Variants in FARSB observed in about 807,000 individuals in gnomAD.
FARSB encodes phenylalanyl-tRNA synthetase subunit beta, also known as phenylalanine--tRNA ligase beta subunit.
Under a neutral mutation model 69.6 loss-of-function variants are expected in FARSB, and 40 were observed. The observed-to-expected ratio is 0.57, with a 90% confidence interval of 0.45 to 0.75. FARSB has a LOEUF of 0.75. FARSB is among the 30% of genes least tolerant of loss of function. The probability of loss-of-function intolerance (pLI) is 0.00; values close to 1 mark genes in which losing one functional copy is unlikely to be tolerated. For synonymous variants in FARSB, 235 were observed against 247.2 expected, an observed-to-expected ratio of 0.95 and a Z score of 0.46; for missense variants, 632 against 722.9, an observed-to-expected ratio of 0.87 and a Z score of 1.44.
At chr2:222,602,137 C>T (rs1178405915) in intron 15 of FARSB, among the ~76,000 whole-genome samples, 2 of 152,022 alleles carry the variant, frequency 1.3e-5, no homozygotes, top group Admixed American at 6.6e-5. Flanking sequence ...TCTCAAAAGG[C>T]TACAGACAGT....
chr2:222,592,410 C>T (rs1219651029), intron 16 of FARSB, among the ~76,000 whole-genome samples: 2 of 152,138 alleles, frequency 1.3e-5, no homozygotes, highest in African/African-American at 4.8e-5. Flanking sequence ...GACAGTGACT[C>T]TTAACCAATA....
chr2:222,638,373 A>T lies in FARSB; in HGVS notation c.455+1207T>A, dbSNP rs937045613. Among the ~76,000 whole-genome samples, 4 of 152,252 alleles carry T rather than the reference A, an allele frequency of 2.6e-5. No individual in the cohort carries two copies. In the East Asian group the frequency reaches 5.8e-4, roughly 22 times the overall value. On this transcript the variant is annotated intron_variant, in intron 5 of 16. Coordinates refer to ENST00000281828, the MANE Select transcript of FARSB (RefSeq NM_005687.5). Reference sequence around the variant, plus strand: ...GTAAGAAAATGTCTGTTTAGATTAAAATAACTTCTTAAAATAAACAGATAA... The same window carrying T: ...GTAAGAAAATGTCTGTTTAGATTAATATAACTTCTTAAAATAAACAGATAA...
chr2:222,575,622 G>A (rs1391461372), intron 16 of FARSB, among the ~76,000 whole-genome samples: 1 of 152,168 alleles, frequency 6.6e-6, no homozygotes, highest in Admixed American at 6.5e-5. Flanking sequence ...CACAGTAAAC[G>A]GCTTCCAACA....
At chr2:222,612,871 C>T (rs1690895011) in intron 15 of FARSB, among the ~76,000 whole-genome samples, 1 of 152,198 alleles carries the variant, frequency 6.6e-6, no homozygotes, top group Non-Finnish European at 1.5e-5. Flanking sequence ...CACCACATTC[C>T]AAGTGTTGGA....
At chr2:222,605,161 TTCTCTCTCTCTCTC>T (rs71053093) in intron 15 of FARSB, among the ~76,000 whole-genome samples, 1 of 132,674 alleles carries the variant, frequency 7.5e-6, no homozygotes, top group Admixed American at 7.5e-5. Context: ...AATACAAACT[TTCTCTCTCTCTCTC>T]TCTCTCTCTC....
In FARSB at chr2:222,567,143, T is replaced by G. The variant is rs1467516400; in HGVS notation, c.*4728A>C. On this transcript the variant is annotated 3_prime_UTR_variant, in exon 17 of 17. Coordinates refer to ENST00000281828, the MANE Select transcript of FARSB (RefSeq NM_005687.5). ...TCATGAGGGCCTCCCTCTCATGACC[T>G]CATCTAGCTCTAATCACCTGCCAAA... is the stretch of plus-strand genomic sequence containing the variant. The G allele has an allele frequency of 1.3e-5, 2 of 152,190 alleles. No homozygotes were observed. The highest frequency in any genetic ancestry group is 2.4e-5 in the African/African-American group (1 of 41,456). The allele number at this position is 152,190 out of a possible 1,614,324, so 9.4% of individuals were successfully genotyped here.
In FARSB at chr2:222,570,185, A is replaced by T. The variant is rs902311064; in HGVS notation, c.*1686T>A. Among the ~76,000 whole-genome samples the T allele has an allele frequency of 1.3e-5, 2 of 152,230 alleles. No individual in the cohort carries two copies. Among genetic ancestry groups the T allele is most frequent in the Non-Finnish European group, 2.9e-5 (2 of 68,038 alleles). ...TCATTCATATGTCATCTTTTGGGAAATGTTTGCTCAACTCTTGCACATTTT... is the reference window on the plus strand; with the variant it reads ...TCATTCATATGTCATCTTTTGGGAATTGTTTGCTCAACTCTTGCACATTTT... On this transcript the variant is annotated 3_prime_UTR_variant, in exon 17 of 17. Transcript: ENST00000281828.
At position 222,608,203 on chromosome 2, in the gene FARSB, T is replaced by A. The variant is rs577935900; in HGVS notation, c.1462+5608A>T. On this transcript the variant is annotated intron_variant, in intron 15 of 16. Coordinates refer to ENST00000281828, the MANE Select transcript of FARSB (RefSeq NM_005687.5). The stretch of plus-strand genomic sequence containing the variant: ...AATTCTACATGCCAAAAATATGAAA[T>A]GGTGAAATTAAATTAATCCAGACTG... Among the ~76,000 whole-genome samples the A allele has an allele frequency of 2.0e-3, 297 of 152,292 alleles. 1 individual carries two copies. The highest frequency in any genetic ancestry group is 3.5e-3 in the Non-Finnish European group (235 of 68,016).
intron 16 of FARSB, among the ~76,000 whole-genome samples, chr2:222,590,653 A>G (rs531642075): frequency 7.9e-5 from 12 of 151,590 alleles, no homozygotes; most frequent in Middle Eastern, 3.4e-3. Context: ...ATGATATTGC[A>G]GTTATGCTTT....
intron 15 of FARSB, among the ~76,000 whole-genome samples, chr2:222,607,698 C>T (rs1021729995): frequency 6.6e-5 from 10 of 150,844 alleles, no homozygotes; most frequent in Non-Finnish European, 1.2e-4. Flanking sequence ...ATTAAAAATA[C>T]ATATTCATGA....
intron 2 of FARSB, among the ~76,000 whole-genome samples, chr2:222,647,884 G>A (rs183509712): frequency 2.4e-4 from 37 of 152,266 alleles, no homozygotes; most frequent in East Asian, 7.7e-4. Context: ...GTAAAACCTC[G>A]TCTCTCCTTG....
At chr2:222,607,319 G>C (rs1690725256) in intron 15 of FARSB, among the ~76,000 whole-genome samples, 1 of 152,060 alleles carries the variant, frequency 6.6e-6, no homozygotes, top group Non-Finnish European at 1.5e-5. Context: ...TTTGTATAAA[G>C]GTACAAGGAC....
At chr2:222,609,759 A>C (rs1310867282) in intron 15 of FARSB, among the ~76,000 whole-genome samples, 1 of 152,206 alleles carries the variant, frequency 6.6e-6, no homozygotes, top group Non-Finnish European at 1.5e-5. Context: ...CAGTCAAAAA[A>C]GTCTACATTA....
intron 15 of FARSB, among the ~76,000 whole-genome samples, chr2:222,605,193 C>CTCTCTCTCTCTCTCTG (rs762324554): frequency 4.0e-5 from 6 of 151,732 alleles, no homozygotes; most frequent in African/African-American, 7.3e-5. Flanking sequence ...CTCTCTCTCT[C>CTCTCTCTCTCTCTCTG]TGTGTCTCCC....
At position 222,579,941 on chromosome 2, in the gene FARSB, A is replaced by G. The variant is rs17565103; in HGVS notation, c.1619-7919T>C. On this transcript the variant is annotated intron_variant, in intron 16 of 16. Coordinates refer to ENST00000281828, the MANE Select transcript of FARSB (RefSeq NM_005687.5). ...TGATGGGACAGATATCGTCATTGCC[A>G]TTTTACAGATGAAGAAACTGGCGTG... 1.0e-2 allele frequency among the ~76,000 whole-genome samples: 1,517 copies of G among 152,330 alleles called. 9 individuals are homozygous for G. The highest frequency in any genetic ancestry group is 0.015 in the Non-Finnish European group (1,013 of 68,036).
chr2:222,592,714 A>G (rs1012473446), intron 16 of FARSB, among the ~76,000 whole-genome samples: 1 of 150,954 alleles, frequency 6.6e-6, no homozygotes, highest in Admixed American at 6.7e-5. Flanking sequence ...ACCATGAGGT[A>G]AATGAAAATA....
chr2:222,624,737 T>A lies in FARSB; in HGVS notation c.939A>T (p.Leu313=). The A allele has an allele frequency of 6.2e-7, 1 of 1,606,280 alleles. No homozygotes were observed. The highest frequency in any genetic ancestry group is 8.5e-7 in the Non-Finnish European group (1 of 1,175,522). The stretch of plus-strand genomic sequence containing the variant: ...ACCTGATTCCAACTTTTTTGTTAAT[T>A]AGGTCAGCTCTCACCATCTCCTTTC... ...AYRKEMVRAD[L]INKKVGIRET... is the part of the protein sequence containing the mutation. The change falls in exon 11 of 17, where the codon CTA becomes CTT. Residue 313 remains leucine (L), a synonymous_variant. Coordinates refer to ENST00000281828, the MANE Select transcript of FARSB (RefSeq NM_005687.5).
rs545995156 is a variant in FARSB, at chr2:222,571,746, A to C, written c.*125T>G. ...GGATGGTCTCTACCCACACAGCCAG[A>C]CAGTGCTTTCTACTTTATTAAACAT... is the stretch of plus-strand genomic sequence containing the variant. On this transcript the variant is annotated 3_prime_UTR_variant, in exon 17 of 17. Transcript: ENST00000281828. 3.8e-6 allele frequency: 3 copies of C among 794,508 alleles called. No homozygotes were observed. Among genetic ancestry groups the C allele is most frequent in the Non-Finnish European group, 6.0e-6 (3 of 504,102 alleles). 49.2% of individuals were successfully genotyped at this position (794,508 alleles called of 1,614,324 possible).
intron 14 of FARSB, among the ~76,000 whole-genome samples, chr2:222,614,752 T>C (rs955837082): frequency 6.6e-6 from 1 of 152,084 alleles, no homozygotes; most frequent in Admixed American, 6.6e-5. Context: ...AGGTGGAGAA[T>C]TGCCTGAGCC....
Sources: allele counts gnomAD v4.1 joint callset (sites outside exome capture counted in the v4.1 genomes callset), GRCh38; gene constraint gnomAD v4.1.1; transcripts MANE v1.5; gene names NCBI Gene and HGNC (gene_info 2026-07-23, HGNC 2026-07-21).